SRD5A3: variants seen among roughly 807,000 people sequenced by gnomAD.
SRD5A3 encodes the protein steroid 5 alpha-reductase 3.
SRD5A3 carries 24 observed loss-of-function variants against 34.3 expected under a neutral mutation model. The ratio of observed to expected loss-of-function variants is 0.70; its 90% CI spans 0.51 to 0.99. The LOEUF (loss-of-function observed/expected upper bound fraction) is 0.99. Among genes scored for constraint, SRD5A3 ranks in the 50% least tolerant of loss-of-function variants. SRD5A3 has a pLI of 0.00. For missense variants in SRD5A3, 350 were observed against 388.2 expected, an observed-to-expected ratio of 0.90 and a Z score of 0.83; for synonymous variants, 161 against 167.3, an observed-to-expected ratio of 0.96 and a Z score of 0.29.
intron 1 of SRD5A3, among the ~76,000 whole-genome samples, 187 bp downstream of exon 1, chr4:55,346,744 C>T (rs1360000403): frequency 6.6e-6 from 1 of 152,164 alleles, no homozygotes. Context: ...TGCGTGGCTC[C>T]GGGGAGCAGT....
chr4:55,355,173 T>C (rs1719403472), intron 1 of SRD5A3, among the ~76,000 whole-genome samples: 1 of 152,096 alleles, frequency 6.6e-6, no homozygotes, highest in African/African-American at 2.4e-5. Flanking sequence ...ATCGAAAATG[T>C]ATAGGCCGGG....
intron 1 of SRD5A3, among the ~76,000 whole-genome samples, chr4:55,358,126 T>C (rs1719537481): frequency 6.6e-6 from 1 of 152,180 alleles, no homozygotes; most frequent in South Asian, 2.1e-4. Flanking sequence ...ATATGCACGA[T>C]GCATTGAAGA....
chr4:55,353,563 A>G (rs527877877), intron 1 of SRD5A3, among the ~76,000 whole-genome samples: 4 of 152,300 alleles, frequency 2.6e-5, no homozygotes, highest in East Asian at 1.9e-4. Flanking sequence ...TGGAGGCTGT[A>G]TTCTTTTGCT....
At chr4:55,359,244 T>G in intron 1 of SRD5A3, 102 bp from the exon 2 acceptor site, 1 of 1,479,414 alleles carries the variant, frequency 6.8e-7, no homozygotes, top group Non-Finnish European at 9.4e-7. Flanking sequence ...ACTTTGGGAA[T>G]GGAGGGGTGG....
intron 1 of SRD5A3, chr4:55,352,304 T>C (rs1719225040): frequency 1.2e-6 from 1 of 801,788 alleles, no homozygotes; most frequent in African/African-American, 1.7e-5. Context: ...CCTTCTTTTC[T>C]TTCTTTTTAG....
intron 1 of SRD5A3, among the ~76,000 whole-genome samples, chr4:55,358,633 C>A (rs997472355): frequency 6.6e-6 from 1 of 151,088 alleles, no homozygotes; most frequent in Admixed American, 6.6e-5. Context: ...AAATCAACAT[C>A]ATCTTTTGCA....
At position 55,368,238 on chromosome 4, in the gene SRD5A3, G is replaced by A. The variant is rs1360304274; in HGVS notation, c.697+516G>A. ...CTAAAAATACAAAACTTAGCTGGGT[G>A]CGGTGGTGCAGGTGCCTGTAGTCCC... On this transcript the variant is annotated intron_variant, in intron 4 of 4. Transcript: ENST00000264228. Among the ~76,000 whole-genome samples, 5 of 151,434 alleles carry A rather than the reference G, an allele frequency of 3.3e-5. No individual in the cohort carries two copies. The East Asian group carries it at 7.9e-4, about 24-fold the overall frequency.
chr4:55,363,777 C>A (rs1719775040), intron 2 of SRD5A3, among the ~76,000 whole-genome samples: 2 of 152,164 alleles, frequency 1.3e-5, no homozygotes, highest in Admixed American at 1.3e-4. Flanking sequence ...GGACCAGAAA[C>A]CCACAGACCT....
At chr4:55,355,251 G>A (rs574710179) in intron 1 of SRD5A3, among the ~76,000 whole-genome samples, 1 of 152,284 alleles carries the variant, frequency 6.6e-6, no homozygotes, top group East Asian at 1.9e-4. Flanking sequence ...GAGGTTAGGA[G>A]ATCGAGACCA....
chr4:55,369,661 G>T, intron 4 of SRD5A3, 171 bp from the exon 5 acceptor site: 1 of 714,058 alleles, frequency 1.4e-6, no homozygotes. Context: ...GGCCTGGAAG[G>T]TTGAGACTAC....
At chr4:55,360,128 T>C (rs535813488) in intron 2 of SRD5A3, among the ~76,000 whole-genome samples, 1 of 150,506 alleles carries the variant, frequency 6.6e-6, no homozygotes, top group African/African-American at 2.4e-5. Context: ...GGCAGGAGAA[T>C]GGCATGAACC....
At chr4:55,351,056 A>G (rs1426017314) in intron 1 of SRD5A3, among the ~76,000 whole-genome samples, 1 of 149,804 alleles carries the variant, frequency 6.7e-6, no homozygotes, top group Non-Finnish European at 1.5e-5. Flanking sequence ...GTGAGTCACC[A>G]TGTGCCTGGC....
At position 55,370,143 on chromosome 4, in the gene SRD5A3, G is replaced by A; in HGVS notation, c.*52G>A. 6.2e-7 allele frequency: 1 copy of A among 1,607,076 alleles called. No homozygotes were observed. Among genetic ancestry groups the A allele is most frequent in the Non-Finnish European group, 8.5e-7 (1 of 1,177,810 alleles). On this transcript the variant is annotated 3_prime_UTR_variant, in exon 5 of 5. Transcript: ENST00000264228. ...ACCAGGTGATGGTTTCAATGCCTAA[G>A]GACAGTGAAGTCTGGAGCCCAAAGT...
At chr4:55,354,533 T>C (rs1366217992) in intron 1 of SRD5A3, among the ~76,000 whole-genome samples, 3 of 152,214 alleles carry the variant, frequency 2.0e-5, no homozygotes, top group Non-Finnish European at 4.4e-5. Flanking sequence ...GTTTGCCCCA[T>C]CTGGTTCTAT....
intron 2 of SRD5A3, among the ~76,000 whole-genome samples, chr4:55,360,955 G>T (rs558638545): frequency 6.6e-6 from 1 of 152,070 alleles, no homozygotes; most frequent in Non-Finnish European, 1.5e-5. Context: ...CTCCCAAAGC[G>T]CTGGGATTAC....
chr4:55,353,274 A>G (rs1719268506), intron 1 of SRD5A3, among the ~76,000 whole-genome samples: 1 of 152,120 alleles, frequency 6.6e-6, no homozygotes, highest in Admixed American at 6.6e-5. Context: ...CTCTGTAAAA[A>G]CACACAAATC....
In SRD5A3 at chr4:55,372,542, G is replaced by A. The variant is rs1389847250; in HGVS notation, c.*2451G>A. 2.6e-5 allele frequency: 4 copies of A among 152,192 alleles called. No homozygotes were observed. Among genetic ancestry groups the A allele is most frequent in the African/African-American group, 9.7e-5 (4 of 41,438 alleles). The allele number at this position is 152,192 out of a possible 1,614,324, so 9.4% of individuals were successfully genotyped here. A position where few individuals can be genotyped will look rare whatever the true frequency, so the allele number is the denominator to read the frequency against. Reference sequence around the variant, plus strand: ...AAAGCGTCACCGATGGGAAATAATTGAGAATTGTGCAGTGCTTGCAGCGTC... The same window carrying A: ...AAAGCGTCACCGATGGGAAATAATTAAGAATTGTGCAGTGCTTGCAGCGTC... On this transcript the variant is annotated 3_prime_UTR_variant, in exon 5 of 5. Coordinates refer to ENST00000264228, the MANE Select transcript of SRD5A3 (RefSeq NM_024592.5).
At position 55,371,877 on chromosome 4, in the gene SRD5A3, ACTC is replaced by A. The variant is rs1720139827; in HGVS notation, c.*1789_*1791del. 6.6e-6 allele frequency: 1 copy of A among 152,056 alleles called. No individual in the cohort carries two copies. The highest frequency in any genetic ancestry group is 1.5e-5 in the Non-Finnish European group (1 of 68,034). 9.4% of individuals were successfully genotyped at this position (152,056 alleles called of 1,614,324 possible). ...ACCATGTTGGCCAGGCTGGTCTCAA[ACTC>A]CTGACCTCAGGTGATCCACCTGCTT... is the stretch of plus-strand genomic sequence containing the variant. On this transcript the variant is annotated 3_prime_UTR_variant, in exon 5 of 5. Coordinates refer to ENST00000264228, the MANE Select transcript of SRD5A3 (RefSeq NM_024592.5).
At chr4:55,356,330 GT>G (rs1719460139) in intron 1 of SRD5A3, among the ~76,000 whole-genome samples, 1 of 151,344 alleles carries the variant, frequency 6.6e-6, no homozygotes, top group African/African-American at 2.4e-5. Flanking sequence ...CTTTTAAAAT[GT>G]TTTTATTGTG....
Sources: gnomAD v4.1 joint callset for allele counts (sites outside exome capture counted in the v4.1 genomes callset) on GRCh38, gnomAD v4.1.1 for gene constraint, MANE v1.5 for transcripts, NCBI Gene and HGNC (gene_info 2026-07-23, HGNC 2026-07-21) for gene names.